ADGRF1: variants seen among roughly 807,000 people sequenced by gnomAD.
ADGRF1 encodes the protein adhesion G protein-coupled receptor F1, also known as G protein-coupled receptor 110.
ADGRF1 carries 85 observed loss-of-function variants against 87.2 expected under a neutral mutation model. The observed-to-expected ratio is 0.97, with a 90% CI of 0.82 to 1.17. The LOEUF is 1.17. Ranked by LOEUF, ADGRF1 falls within the 50% of genes most tolerant of loss-of-function variation. ADGRF1 has a pLI of 0.00. For synonymous variants in ADGRF1, 430 were observed against 408.8 expected (o/e 1.05, Z -0.63); for missense variants, 1,169 against 1,077.2 (o/e 1.09, Z -1.19).
chr6:47,039,826 G>A (rs1780686499), intron 1 of ADGRF1, among the ~76,000 whole-genome samples: 1 of 152,148 alleles, frequency 6.6e-6, no homozygotes, highest in African/African-American at 2.4e-5. Context: ...GCCAGGCGTA[G>A]TGGCAGATGC....
In ADGRF1 at chr6:47,016,631, C is replaced by G; in HGVS notation, c.749G>C (p.Arg250Thr). The G allele has an allele frequency of 1.9e-6, 3 of 1,608,060 alleles. No individual in the cohort carries two copies. The highest frequency in any genetic ancestry group is 1.7e-6 in the Non-Finnish European group (2 of 1,175,728). ...KLFPLEDGSF[R>T]VFGKAQCNDI... is the part of the protein sequence containing the mutation. ...TCCAGCATTACCTTTTCCGAACACT[C>G]TGAAAGAGCCGTCTTCTAATGGAAA... Residue 250 changes from arginine to threonine, a missense_variant, in exon 8 of 15, where the codon AGA (arginine) becomes ACA (threonine). Arg to Thr is a moderately conservative substitution (Grantham distance 71). Coordinates refer to ENST00000371253, the MANE Select transcript of ADGRF1 (RefSeq NM_153840.4).
At chr6:47,023,503 C>T (rs1231292442) in intron 5 of ADGRF1, among the ~76,000 whole-genome samples, 2 of 152,196 alleles carry the variant, frequency 1.3e-5, no homozygotes, top group Admixed American at 6.5e-5. Context: ...GAACATAAAT[C>T]TAAGTTAACC....
Position 47,036,515 on chromosome 6 carries a change from C to T in ADGRF1, c.-44+5676G>A, listed in dbSNP as rs188135059. 8.5e-4 allele frequency among the ~76,000 whole-genome samples: 130 copies of T among 152,262 alleles called. 1 individual carries two copies. Among genetic ancestry groups the T allele is most frequent in the African/African-American group, 3.0e-3 (126 of 41,560 alleles). On this transcript the variant is annotated intron_variant, in intron 1 of 14. Coordinates refer to ENST00000371253, the MANE Select transcript of ADGRF1 (RefSeq NM_153840.4). ...ACAAATGATCAGGCCTGCTGGAAAA[C>T]CCCTGCAGAACAGGCTCTGTGGGAC... is the stretch of plus-strand genomic sequence containing the variant.
Position 47,022,003 on chromosome 6 carries a change from T to C in ADGRF1, c.507A>G (p.Ser169=), listed in dbSNP as rs920257426. ...CATATTTGGAGTATATAGCAGAAGA[T>C]GAATTCAAAAGGTCATTTGTAAACC... ...NERFTNDLLN[S]SSAIYSKYAN... The change falls in exon 6 of 15, where the codon TCA becomes TCG. Residue 169 remains serine (S), a synonymous_variant. Coordinates refer to ENST00000371253, the MANE Select transcript of ADGRF1 (RefSeq NM_153840.4). 6.3e-7 allele frequency: 1 copy of C among 1,593,870 alleles called. No individual in the cohort carries two copies. The highest frequency in any genetic ancestry group is 8.5e-7 in the Non-Finnish European group (1 of 1,172,272).
chr6:47,022,304 C>A (rs558862524), intron 5 of ADGRF1, among the ~76,000 whole-genome samples: 1 of 152,128 alleles, frequency 6.6e-6, no homozygotes, highest in East Asian at 1.9e-4. Context: ...TAGGTAAATG[C>A]GTGGCCTCTC....
At chr6:47,020,545 G>T in intron 7 of ADGRF1, 186 bp downstream of exon 7, 1 of 1,506,134 alleles carries the variant, frequency 6.6e-7, no homozygotes, top group African/African-American at 1.4e-5. Flanking sequence ...ATTTAAGTGA[G>T]AATCTAGGCT....
intron 1 of ADGRF1, among the ~76,000 whole-genome samples, chr6:47,034,560 C>T (rs1035770578): frequency 1.3e-5 from 2 of 152,242 alleles, no homozygotes; most frequent in African/African-American, 2.4e-5. Flanking sequence ...ATTTGTTCAA[C>T]TACCGTATAC....
rs1428669922 is a variant in ADGRF1 at position 47,005,853 on chromosome 6, CTTG to C, written c.2553_2555del (p.Asn851del). ...GCTTCCAAGAACTTAAGGCAGACAA[CTTG>C]TTGAACAGAAGTTGTCGCAGCTATA... On this transcript the variant is annotated inframe_deletion, in exon 13 of 15. Coordinates refer to ENST00000371253, the MANE Select transcript of ADGRF1 (RefSeq NM_153840.4). 1.9e-6 allele frequency: 3 copies of C among 1,612,114 alleles called. No homozygotes were observed. Among genetic ancestry groups the C allele is most frequent in the Non-Finnish European group, 2.5e-6 (3 of 1,179,078 alleles).
rs772602767 is a variant in ADGRF1, at chr6:47,010,051, C to T, written c.1384G>A (p.Gly462Ser). The T allele has an allele frequency of 3.7e-6, 6 of 1,614,104 alleles. No homozygotes were observed. Among genetic ancestry groups the T allele is most frequent in the East Asian group, 4.5e-5 (2 of 44,872 alleles). Residue 462 changes from glycine (G) to serine (S), a missense_variant, in exon 11 of 15, where the codon GGC becomes AGC. Transcript: ENST00000371253. ...CPQNTSIPIR[G>S]RVLIGSDQFQ... ...TGGTCTGACCCAATTAACACACGGC[C>T]TCTGATGGGAATAGATGTATTTTGG...
rs1404919562 is a variant in ADGRF1, at chr6:47,014,466, C to G, written c.927+215G>C. The G allele has an allele frequency of 4.7e-6, 6 of 1,287,598 alleles. No homozygotes were observed. In the African/African-American group the frequency reaches 9.1e-5, roughly 20 times the overall value. The allele number at this position is 1,287,598 out of a possible 1,614,324, so 79.8% of individuals were successfully genotyped here. On this transcript the variant is annotated intron_variant, in intron 9 of 14. Coordinates refer to ENST00000371253, the MANE Select transcript of ADGRF1 (RefSeq NM_153840.4). ...CCTCTGCCTGACAAAACTATCAACTCTGTCTTTTGAGCTGCAACCTAGACT... is the reference window on the plus strand; with the variant it reads ...CCTCTGCCTGACAAAACTATCAACTGTGTCTTTTGAGCTGCAACCTAGACT...
At chr6:47,038,882 A>C (rs1172140433) in intron 1 of ADGRF1, among the ~76,000 whole-genome samples, 1 of 152,252 alleles carries the variant, frequency 6.6e-6, no homozygotes, top group East Asian at 1.9e-4. Context: ...AATTAGCTTG[A>C]TTATCTAAGA....
chr6:47,015,541 C>T (rs1184395184), intron 8 of ADGRF1, among the ~76,000 whole-genome samples: 1 of 151,660 alleles, frequency 6.6e-6, no homozygotes, highest in Non-Finnish European at 1.5e-5. Context: ...CTCCCTAGTA[C>T]CTGGGAGTAC....
At chr6:47,026,766 C>A (rs1443193013) in intron 3 of ADGRF1, among the ~76,000 whole-genome samples, 1 of 152,196 alleles carries the variant, frequency 6.6e-6, no homozygotes, top group Non-Finnish European at 1.5e-5. Context: ...CACCATTGCA[C>A]CCCACTCCCA....
chr6:47,035,229 T>C (rs1780553207), intron 1 of ADGRF1, among the ~76,000 whole-genome samples: 1 of 152,316 alleles, frequency 6.6e-6, no homozygotes, highest in South Asian at 2.1e-4. Context: ...AGATGATTAA[T>C]GGCATTCCGC....
At chr6:47,007,574 A>G (rs753734551) in intron 11 of ADGRF1, among the ~76,000 whole-genome samples, 7 of 152,218 alleles carry the variant, frequency 4.6e-5, no homozygotes, top group Non-Finnish European at 7.3e-5. Context: ...CCATCGTACC[A>G]TCCCAACCCA....
At chr6:47,020,014 T>A (rs1295640145) in intron 7 of ADGRF1, 1 of 990,214 alleles carries the variant, frequency 1.0e-6, no homozygotes, top group Admixed American at 6.0e-5. Flanking sequence ...TTATGAGGCA[T>A]CATATCTCCT....
Position 47,016,752 on chromosome 6 carries a change from C to T in ADGRF1, c.628G>A (p.Ala210Thr), listed in dbSNP as rs1324500673. Residue 210 changes from alanine (A) to threonine (T), a missense_variant, in exon 8 of 15, where the codon GCT (alanine) becomes ACT (threonine). Ala to Thr is a moderately conservative substitution (Grantham distance 58). Coordinates refer to ENST00000371253, the MANE Select transcript of ADGRF1 (RefSeq NM_153840.4). ...VTQFRNGSIV[A>T]GYEVVGSSSA... ...CTGGAGCCAACAACTTCATACCCAGCAACGATGCTTCCATTTCTGCAGTGA... is the reference window on the plus strand; with the variant it reads ...CTGGAGCCAACAACTTCATACCCAGTAACGATGCTTCCATTTCTGCAGTGA... 10 of 1,586,108 alleles carry T rather than the reference C, an allele frequency of 6.3e-6. No individual in the cohort carries two copies. The Admixed American group carries it at 1.8e-4, about 28-fold the overall frequency.
At chr6:47,020,578 C>A in intron 7 of ADGRF1, 153 bp downstream of exon 7, 1 of 1,513,174 alleles carries the variant, frequency 6.6e-7, no homozygotes. Context: ...CTTTTTAAAG[C>A]ATCACAGATC....
At chr6:47,029,988 G>A (rs1780361792) in intron 1 of ADGRF1, among the ~76,000 whole-genome samples, 1 of 152,228 alleles carries the variant, frequency 6.6e-6, no homozygotes, top group African/African-American at 2.4e-5. Context: ...GAGAAGATGA[G>A]AAAGTTTGAT....
Sources: allele counts gnomAD v4.1 joint callset (sites outside exome capture counted in the v4.1 genomes callset), GRCh38; gene constraint gnomAD v4.1.1; transcripts MANE v1.5; gene names NCBI Gene and HGNC (gene_info 2026-07-23, HGNC 2026-07-21).